Variants in FADS1 observed in about 807,000 individuals in gnomAD.
FADS1 encodes fatty acid desaturase 1, also known as acyl-CoA (8-3)-desaturase.
A neutral mutation model predicts 61.6 loss-of-function variants in FADS1; 17 were observed. That is an observed-to-expected ratio of 0.28 (90% CI 0.19 to 0.41). FADS1 has a LOEUF of 0.41. Ranked by LOEUF, FADS1 falls within the 10% of genes least tolerant of loss-of-function variation. FADS1 has a pLI of 1.00. For missense variants in FADS1, 387 were observed against 650.9 expected (o/e 0.59, Z 4.41); for synonymous variants, 238 against 258.7 (o/e 0.92, Z 0.77).
intron 5 of FADS1, among the ~76,000 whole-genome samples, chr11:61,809,658 GC>G (rs1315672905): frequency 6.6e-5 from 10 of 152,206 alleles, no homozygotes; most frequent in African/African-American, 2.2e-4. Context: ...AAATGCACAA[GC>G]CCCATGCCAC....
Position 61,816,236 on chromosome 11 carries a change from T to A in FADS1, c.375+319A>T, listed in dbSNP as rs746329592. 1 of 1,594,930 alleles carries A rather than the reference T, an allele frequency of 6.3e-7. No homozygotes were observed. Among genetic ancestry groups the A allele is most frequent in the Non-Finnish European group, 8.5e-7 (1 of 1,177,722 alleles). ...TCTCCTCCCTCCTAGCCTACCCAGC[T>A]CGGGGTTCTGTCCCCGCCCAGAGAC... On this transcript the variant is annotated intron_variant, in intron 1 of 11. Coordinates refer to ENST00000350997, the MANE Select transcript of FADS1 (RefSeq NM_013402.7). The surrounding 1 kb of genome is among the most constrained non-coding windows in gnomAD (Gnocchi z 7.0).
intron 2 of FADS1, 84 bp from the exon 3 acceptor site, chr11:61,812,752 C>G: frequency 8.0e-7 from 1 of 1,254,356 alleles, no homozygotes; most frequent in East Asian, 2.5e-5. Context: ...GGCTCAAGGA[C>G]CTCCCACTGA....
Position 61,815,274 on chromosome 11 carries a change from G to A in FADS1, c.375+1281C>T, listed in dbSNP as rs2066970564. 1 of 166,318 alleles carries A rather than the reference G, an allele frequency of 6.0e-6. No individual in the cohort carries two copies. Among genetic ancestry groups the A allele is most frequent in the South Asian group, 2.0e-4 (1 of 4,914 alleles). The allele number at this position is 166,318 out of a possible 1,614,324, so 10.3% of individuals were successfully genotyped here. A position where few individuals can be genotyped will look rare whatever the true frequency, so the allele number is the denominator to read the frequency against. On this transcript the variant is annotated intron_variant, in intron 1 of 11. Transcript: ENST00000350997. The surrounding 1 kb of genome is among the most constrained non-coding windows in gnomAD (Gnocchi z 6.4). ...TCACACTGCGGGAAGCTCCAGCGTTGGTGCCTGTTTCGTCTGCGCATGCGC... is the reference window on the plus strand; with the variant it reads ...TCACACTGCGGGAAGCTCCAGCGTTAGTGCCTGTTTCGTCTGCGCATGCGC...
At chr11:61,809,086 T>C (rs2066915006) in intron 5 of FADS1, among the ~76,000 whole-genome samples, 1 of 152,074 alleles carries the variant, frequency 6.6e-6, no homozygotes, top group Non-Finnish European at 1.5e-5. Flanking sequence ...TTTCTGGTCT[T>C]CTCATTCTCT....
Position 61,803,308 on chromosome 11 carries a change from G to A in FADS1, c.1248+55C>T, listed in dbSNP as rs926831611. 3.4e-6 allele frequency: 5 copies of A among 1,454,654 alleles called. No homozygotes were observed. Among genetic ancestry groups the A allele is most frequent in the African/African-American group, 1.4e-5 (1 of 71,690 alleles). 90.1% of individuals were successfully genotyped at this position (1,454,654 alleles called of 1,614,324 possible). A position where few individuals can be genotyped will look rare whatever the true frequency, so the allele number is the denominator to read the frequency against. The stretch of plus-strand genomic sequence containing the variant: ...TTTTGTTTTTGCTGTTTTCACCTAC[G>A]CATCCTTTTCAATAGTTGTGTTATG... On this transcript the variant is annotated intron_variant, in intron 9 of 11. Coordinates refer to ENST00000350997, the MANE Select transcript of FADS1 (RefSeq NM_013402.7). This position sits in a 1 kb window ranked among gnomAD's most constrained non-coding sequence, Gnocchi z 4.3.
chr11:61,813,974 A>C (rs1240289660), intron 1 of FADS1, among the ~76,000 whole-genome samples: 1 of 151,178 alleles, frequency 6.6e-6, no homozygotes, highest in Non-Finnish European at 1.5e-5. Context: ...CTCAAAAAAA[A>C]AAAAAAAAAA....
chr11:61,804,148 A>G, intron 7 of FADS1: 1 of 241,504 alleles, frequency 4.1e-6, no homozygotes, highest in Non-Finnish European at 8.1e-6. Context: ...CCCTGACACT[A>G]GTCCTCCACA....
intron 1 of FADS1, chr11:61,814,776 G>C (rs2066961704): frequency 6.6e-6 from 1 of 152,174 alleles, no homozygotes; most frequent in Non-Finnish European, 1.5e-5. Context: ...ACAGAGCACT[G>C]ATTGGTGCAT....
At chr11:61,805,619 G>A (rs2066887893) in intron 6 of FADS1, 1 of 152,230 alleles carries the variant, frequency 6.6e-6, no homozygotes, top group Non-Finnish European at 1.5e-5. Flanking sequence ...GTTGGTGATA[G>A]GCAGTTAGGA....
chr11:61,801,038 C>T lies in FADS1; in HGVS notation c.*1373G>A, dbSNP rs1283704765. 1 of 152,336 alleles carries T rather than the reference C, an allele frequency of 6.6e-6. No individual in the cohort carries two copies. Among genetic ancestry groups the T allele is most frequent in the Non-Finnish European group, 1.5e-5 (1 of 68,032 alleles). 9.4% of individuals were successfully genotyped at this position (152,336 alleles called of 1,614,324 possible). A position where few individuals can be genotyped will look rare whatever the true frequency, so the allele number is the denominator to read the frequency against. ...GTGGACAGAGTAAGATACCTAGCTA[C>T]AGCAATAGAAATCACAAACTGTTCT... On this transcript the variant is annotated 3_prime_UTR_variant, in exon 12 of 12. Transcript: ENST00000350997.
chr11:61,802,405 CTGT>C lies in FADS1; in HGVS notation c.*3_*5del, dbSNP rs1565317672. On this transcript the variant is annotated 3_prime_UTR_variant, in exon 12 of 12. Transcript: ENST00000350997. This position sits in a 1 kb window ranked among gnomAD's most constrained non-coding sequence, Gnocchi z 4.2. ...TCTTCTTCCAGACTGGGCAGGGTGG[CTGT>C]TGTTATTGGTGAAGATAGGCATCTA... is the stretch of plus-strand genomic sequence containing the variant. 12 of 1,566,532 alleles carry C rather than the reference CTGT, an allele frequency of 7.7e-6. No homozygotes were observed. The highest frequency in any genetic ancestry group is 1.0e-5 in the Non-Finnish European group (12 of 1,154,166).
In FADS1 at chr11:61,803,500, G is replaced by T; in HGVS notation, c.1152-41C>A. Reference sequence around the variant, plus strand: ...CACAGACAAAAACAGTACACACAGAGCCCAGAATTCTGATTCCCCCCTCAG... The same window carrying T: ...CACAGACAAAAACAGTACACACAGATCCCAGAATTCTGATTCCCCCCTCAG... On this transcript the variant is annotated intron_variant, in intron 8 of 11. Transcript: ENST00000350997. This position sits in a 1 kb window ranked among gnomAD's most constrained non-coding sequence, Gnocchi z 4.3. The T allele has an allele frequency of 6.5e-7, 1 of 1,544,722 alleles. No individual in the cohort carries two copies. The highest frequency in any genetic ancestry group is 9.0e-7 in the Non-Finnish European group (1 of 1,116,850).
At chr11:61,807,773 G>C (rs1324456263) in intron 5 of FADS1, among the ~76,000 whole-genome samples, 2 of 152,216 alleles carry the variant, frequency 1.3e-5, no homozygotes, top group Non-Finnish European at 2.9e-5. Flanking sequence ...CAGGTAACCA[G>C]ACAACCACAA....
chr11:61,803,684 A>C lies in FADS1; in HGVS notation c.1137T>G (p.Leu379=). Residue 379 remains leucine (L), a synonymous_variant, in exon 8 of 12, where the codon CTT becomes CTG. Transcript: ENST00000350997. This position sits in a 1 kb window ranked among gnomAD's most constrained non-coding sequence, Gnocchi z 4.3. ...CCGAATACTACCTGACTATGAAGAA[A>C]AGGCCCAGGAAGGCTTTCAGCCCCA... ...PLLGLKAFLG[L]FFIVRFLESN... The C allele has an allele frequency of 6.2e-7, 1 of 1,613,492 alleles. No individual in the cohort carries two copies. The highest frequency in any genetic ancestry group is 8.5e-7 in the Non-Finnish European group (1 of 1,179,400).
intron 6 of FADS1, chr11:61,806,185 A>G (rs1169172544): frequency 6.4e-6 from 1 of 156,206 alleles, no homozygotes; most frequent in Admixed American, 6.1e-5. Context: ...CTAAAAATAC[A>G]AAAAATTAGC....
Position 61,815,164 on chromosome 11 carries a change from G to T in FADS1, c.375+1391C>A. On this transcript the variant is annotated intron_variant, in intron 1 of 11. Transcript: ENST00000350997. This position sits in a 1 kb window ranked among gnomAD's most constrained non-coding sequence, Gnocchi z 6.4. The stretch of plus-strand genomic sequence containing the variant: ...CCCTGTAAGTGATGCGGCGTGTGGG[G>T]CGGGGGCCGGGGCGGAGCCGGCGGC... The T allele has an allele frequency of 6.1e-6, 1 of 163,302 alleles. No individual in the cohort carries two copies. 10.1% of individuals were successfully genotyped at this position (163,302 alleles called of 1,614,324 possible).
rs1325082752 is a variant in FADS1, at chr11:61,802,697, G to A, written c.1454+104C>T. 7 of 1,523,986 alleles carry A rather than the reference G, an allele frequency of 4.6e-6. No homozygotes were observed. Among genetic ancestry groups the A allele is most frequent in the Non-Finnish European group, 5.4e-6 (6 of 1,108,580 alleles). 94.4% of individuals were successfully genotyped at this position (1,523,986 alleles called of 1,614,324 possible). On this transcript the variant is annotated intron_variant, in intron 11 of 11. Coordinates refer to ENST00000350997, the MANE Select transcript of FADS1 (RefSeq NM_013402.7). The surrounding 1 kb of genome is among the most constrained non-coding windows in gnomAD (Gnocchi z 4.2). ...TGCCATGGTGAACTCCATCCCACAC[G>A]ACTGGGAACACCTTCTGTTCACTCC...
intron 5 of FADS1, among the ~76,000 whole-genome samples, chr11:61,808,834 G>GTGGTC (rs1464947889): frequency 6.6e-6 from 1 of 152,110 alleles, no homozygotes; most frequent in Admixed American, 6.5e-5. Context: ...CTGCTCCTCC[G>GTGGTC]TGGTCTGGTC....
intron 6 of FADS1, chr11:61,806,335 C>G (rs959828890): frequency 8.1e-6 from 2 of 248,372 alleles, no homozygotes; most frequent in Non-Finnish European, 1.6e-5. Context: ...GGCGACAGAG[C>G]AAGACTCCGT....
Sources: allele counts gnomAD v4.1 joint callset (sites outside exome capture counted in the v4.1 genomes callset), GRCh38; gene constraint gnomAD v4.1.1; non-coding constraint Gnocchi (gnomAD v3.1); transcripts MANE v1.5; gene names NCBI Gene and HGNC (gene_info 2026-07-23, HGNC 2026-07-21).